NOX4: variants seen among roughly 807,000 people sequenced by gnomAD.
The protein encoded by NOX4 is kidney oxidase-1.
A neutral mutation model predicts 87.6 loss-of-function variants in NOX4; 69 were observed. The ratio of observed to expected loss-of-function variants is 0.79; its 90% confidence interval spans 0.65 to 0.96. NOX4 has a LOEUF of 0.96. Ranked by LOEUF, NOX4 falls within the 40% of genes least tolerant of loss-of-function variation. NOX4 has a pLI of 0.00. For synonymous variants in NOX4, 275 were observed against 238.2 expected (o/e 1.15, Z -1.42); for missense variants, 680 against 681.5 (o/e 1.00, Z 0.02).
chr11:89,457,428 C>T (rs1158517748), intron 2 of NOX4, among the ~76,000 whole-genome samples: 3 of 152,182 alleles, frequency 2.0e-5, no homozygotes, highest in Non-Finnish European at 4.4e-5. Flanking sequence ...GTGTGCCACC[C>T]AAGCCAACAG....
At chr11:89,511,359 AATTTT>A in the NOX4 span, among the ~76,000 whole-genome samples, 1,186 of 152,028 alleles carry the variant, frequency 7.8e-3, 17 homozygotes, top group African/African-American at 0.026. Context: ...GTCTAATTAA[AATTTT>A]ATACCCTTTT....
chr11:89,450,678 C>T (rs889964668), intron 3 of NOX4, among the ~76,000 whole-genome samples: 2 of 150,954 alleles, frequency 1.3e-5, no homozygotes, highest in Non-Finnish European at 2.9e-5. Flanking sequence ...CCCGTTAACT[C>T]GTCATTTAGC....
the NOX4 span, among the ~76,000 whole-genome samples, chr11:89,561,972 C>G: frequency 2.6e-5 from 4 of 152,026 alleles, no homozygotes; most frequent in African/African-American, 7.2e-5. Context: ...AAAGTACATC[C>G]CAGGGAAAGG....
the NOX4 span, among the ~76,000 whole-genome samples, chr11:89,535,060 A>G: frequency 6.6e-6 from 1 of 152,210 alleles, no homozygotes; most frequent in Non-Finnish European, 1.5e-5. Flanking sequence ...CTGTCTCCGC[A>G]ATCTGAGAAT....
intron 2 of NOX4, among the ~76,000 whole-genome samples, chr11:89,466,231 A>G (rs966238684): frequency 1.3e-5 from 2 of 152,226 alleles, no homozygotes; most frequent in Non-Finnish European, 2.9e-5. Context: ...AATATTTTAA[A>G]TGCCATTTAA....
At chr11:89,586,677 G>A in the NOX4 span, among the ~76,000 whole-genome samples, 2 of 152,086 alleles carry the variant, frequency 1.3e-5, no homozygotes, top group Non-Finnish European at 2.9e-5. Flanking sequence ...TAATAATAAA[G>A]AAATGTTCAA....
chr11:89,491,558 T>C, upstream of NOX4: 1 of 373,320 alleles, frequency 2.7e-6, no homozygotes, highest in Non-Finnish European at 4.8e-6. Flanking sequence ...CCGGCCCCTT[T>C]GTCTAGGGGC....
intron 12 of NOX4, among the ~76,000 whole-genome samples, chr11:89,362,721 A>T (rs569615928): frequency 6.6e-6 from 1 of 152,120 alleles, no homozygotes; most frequent in South Asian, 2.1e-4. Flanking sequence ...AGTAGTTGTC[A>T]TTCATTCATA....
At chr11:89,588,642 A>C in the NOX4 span, among the ~76,000 whole-genome samples, 1 of 152,306 alleles carries the variant, frequency 6.6e-6, no homozygotes, top group African/African-American at 2.4e-5. Flanking sequence ...CTAAAAGTTT[A>C]TTCCCTGAAA....
Position 89,434,268 on chromosome 11 carries a change from A to G in NOX4, c.476-1412T>C, listed in dbSNP as rs189529423. 1.2e-4 allele frequency among the ~76,000 whole-genome samples: 19 copies of G among 152,194 alleles called. No individual in the cohort carries two copies. The East Asian group carries it at 3.7e-3, about 29-fold the overall frequency. On this transcript the variant is annotated intron_variant, in intron 6 of 17. Transcript: ENST00000263317. ...CAGTAGAAACAAATTTCACTTATAA[A>G]GCACCACATGAAAAATAAGAGAATT...
At chr11:89,386,275 T>G (rs1940694714) in intron 11 of NOX4, among the ~76,000 whole-genome samples, 1 of 152,174 alleles carries the variant, frequency 6.6e-6, no homozygotes, top group Non-Finnish European at 1.5e-5. Context: ...TACTATCTTC[T>G]GTCTAGTCAA....
chr11:89,421,020 C>T (rs1043920540), intron 8 of NOX4, among the ~76,000 whole-genome samples: 1 of 152,098 alleles, frequency 6.6e-6, no homozygotes, highest in African/African-American at 2.4e-5. Flanking sequence ...CCATGCTTAC[C>T]CACATGGGTT....
the NOX4 span, among the ~76,000 whole-genome samples, chr11:89,544,452 C>T: frequency 2.6e-5 from 4 of 151,992 alleles, no homozygotes; most frequent in African/African-American, 7.3e-5. Context: ...TGAACACTGG[C>T]GAGTGACTCA....
At chr11:89,373,377 T>G (rs1009624492) in intron 12 of NOX4, 55 bp downstream of exon 12, 38 of 1,007,426 alleles carry the variant, frequency 3.8e-5, no homozygotes, top group Non-Finnish European at 4.5e-5. Context: ...ACATTCAAAT[T>G]ATTACATTCC....
chr11:89,538,438 T>A, the NOX4 span, among the ~76,000 whole-genome samples: 1 of 152,216 alleles, frequency 6.6e-6, no homozygotes, highest in African/African-American at 2.4e-5. Context: ...ATTTGAAGCA[T>A]CTGGTAACAC....
the NOX4 span, among the ~76,000 whole-genome samples, chr11:89,568,019 G>C: frequency 6.6e-6 from 1 of 152,174 alleles, no homozygotes; most frequent in Non-Finnish European, 1.5e-5. Context: ...TTGTGGACTG[G>C]GAACATCTCT....
Position 89,432,839 on chromosome 11 carries a change from C to A in NOX4, c.493G>T (p.Val165Phe), listed in dbSNP as rs376730665. 9.9e-6 allele frequency: 16 copies of A among 1,610,620 alleles called. No homozygotes were observed. In the Middle Eastern group the frequency reaches 4.9e-4, roughly 50 times the overall value. ...LFTTVPGLTG[V>F]CMVVVLFLMI... ...AGGAATAGCACCACCACCATGCAGA[C>A]CCCTGTCAGGCCAGGAACTATAAAA... The change falls in exon 7 of 18, where the codon GTC becomes TTC. Residue 165 changes from valine (V) to phenylalanine (F), a missense_variant. Physicochemically the swap from Val to Phe is conservative, Grantham distance 50 (BLOSUM62 -1). Transcript: ENST00000263317.
At chr11:89,365,868 A>G (rs917009190) in intron 12 of NOX4, among the ~76,000 whole-genome samples, 1 of 152,024 alleles carries the variant, frequency 6.6e-6, no homozygotes, top group Non-Finnish European at 1.5e-5. Flanking sequence ...CTTTAAAGCC[A>G]ATAGAAAACA....
intron 14 of NOX4, among the ~76,000 whole-genome samples, chr11:89,340,711 T>C (rs890301947): frequency 6.6e-6 from 1 of 152,202 alleles, no homozygotes; most frequent in Non-Finnish European, 1.5e-5. Flanking sequence ...ATGTAATGCA[T>C]TCCAGCAACT....
Sources: allele counts gnomAD v4.1 joint callset (sites outside exome capture counted in the v4.1 genomes callset), GRCh38; gene constraint gnomAD v4.1.1; transcripts MANE v1.5; gene names NCBI Gene and HGNC (gene_info 2026-07-23, HGNC 2026-07-21).